The following SLC12A8 variants were observed in gnomAD, a reference collection of about 807,000 sequenced individuals.
SLC12A8 encodes the protein cation-chloride cotransporter 9.
SLC12A8 carries 69 observed loss-of-function variants against 75.6 expected under a neutral mutation model. The ratio of observed to expected loss-of-function variants is 0.91; its 90% confidence interval spans 0.75 to 1.11. The LOEUF (loss-of-function observed/expected upper bound fraction) is 1.11, where lower values mean the gene tolerates loss of function less well. SLC12A8 is among the 50% of genes most tolerant of loss of function. The pLI is 0.00. For synonymous variants in SLC12A8, 365 were observed against 372.8 expected, an observed-to-expected ratio of 0.98 and a Z score of 0.24; for missense variants, 877 against 896.7, an observed-to-expected ratio of 0.98 and a Z score of 0.28.
At chr3:125,090,197 A>G (rs1417248190) in intron 12 of SLC12A8, among the ~76,000 whole-genome samples, 2 of 152,076 alleles carry the variant, frequency 1.3e-5, no homozygotes, top group African/African-American at 2.4e-5. Context: ...GTGTGTGCGA[A>G]CTGTGCCTGG....
chr3:125,126,540 C>CTT (rs886275160), intron 6 of SLC12A8, among the ~76,000 whole-genome samples: 5 of 152,232 alleles, frequency 3.3e-5, no homozygotes, highest in Non-Finnish European at 7.3e-5. Context: ...ACACATTGAT[C>CTT]AAAGTCCTTA....
rs1939062000 is a variant in SLC12A8, at chr3:125,107,613, C to CG, written c.1572dup (p.Ala525ArgfsTer24). On this transcript the variant is annotated frameshift_variant, in exon 10 of 14. Coordinates refer to ENST00000469902, the MANE Select transcript of SLC12A8 (RefSeq NM_024628.6). LOFTEE classifies it high-confidence loss of function. ...GACTCCTGCCCCTCCCAGGAGGCAG[C>CG]GGGCAACCTGTCAGAGATCTCGACA... 1 of 1,614,068 alleles carries CG rather than the reference C, an allele frequency of 6.2e-7. No homozygotes were observed. The highest frequency in any genetic ancestry group is 8.5e-7 in the Non-Finnish European group (1 of 1,180,042).
Position 125,110,145 on chromosome 3 carries a change from A to G in SLC12A8, c.1059+44T>C, listed in dbSNP as rs759855025. On this transcript the variant is annotated intron_variant, in intron 9 of 13. Coordinates refer to ENST00000469902, the MANE Select transcript of SLC12A8 (RefSeq NM_024628.6). ...ATGGGCCAACAGTGAGGTTAGCAGC[A>G]AAACATGTTTCAAAAAACAAACCAA... The G allele has an allele frequency of 2.5e-6, 4 of 1,591,094 alleles. No individual in the cohort carries two copies. In the African/African-American group the frequency reaches 5.4e-5, roughly 21 times the overall value.
intron 8 of SLC12A8, among the ~76,000 whole-genome samples, chr3:125,111,906 A>G (rs1399141897): frequency 6.6e-6 from 1 of 152,238 alleles, no homozygotes; most frequent in Non-Finnish European, 1.5e-5. Context: ...CTGGAGGCAC[A>G]CCCAGCCTCT....
At chr3:125,149,949 G>A (rs1437282094) in intron 5 of SLC12A8, among the ~76,000 whole-genome samples, 1 of 152,186 alleles carries the variant, frequency 6.6e-6, no homozygotes, top group Non-Finnish European at 1.5e-5. Flanking sequence ...ATTCTTCACT[G>A]TTCTAACCCT....
At position 125,152,089 on chromosome 3, in the gene SLC12A8, C is replaced by T. The variant is rs369633080; in HGVS notation, c.623-16307G>A. Reference sequence around the variant, plus strand: ...TAATGTCTGAGCAGATTTGTTCATACACTAGGAATTTGGGATTGCAGAGTA... The same window carrying T: ...TAATGTCTGAGCAGATTTGTTCATATACTAGGAATTTGGGATTGCAGAGTA... On this transcript the variant is annotated intron_variant, in intron 5 of 13. Coordinates refer to ENST00000469902, the MANE Select transcript of SLC12A8 (RefSeq NM_024628.6). 5.9e-5 allele frequency among the ~76,000 whole-genome samples: 9 copies of T among 152,328 alleles called. No individual in the cohort carries two copies. The South Asian group carries it at 1.2e-3, about 21-fold the overall frequency.
chr3:125,160,759 CT>C (rs2107777403), intron 5 of SLC12A8, among the ~76,000 whole-genome samples: 1 of 152,334 alleles, frequency 6.6e-6, no homozygotes, highest in South Asian at 2.1e-4. Flanking sequence ...TAAGGGGCCT[CT>C]TTGCAAGAGA....
At chr3:125,198,134 C>A (rs1935039567) in intron 2 of SLC12A8, among the ~76,000 whole-genome samples, 1 of 152,076 alleles carries the variant, frequency 6.6e-6, no homozygotes, top group Non-Finnish European at 1.5e-5. Flanking sequence ...AAACCTAAAT[C>A]TACCTGTGAC....
chr3:125,157,809 C>T (rs999982727), intron 5 of SLC12A8, among the ~76,000 whole-genome samples: 2 of 152,218 alleles, frequency 1.3e-5, no homozygotes, highest in African/African-American at 4.8e-5. Context: ...CCACCTGCAA[C>T]TTGCATATTT....
chr3:125,095,446 C>T (rs1262568406), intron 10 of SLC12A8, among the ~76,000 whole-genome samples: 1 of 152,198 alleles, frequency 6.6e-6, no homozygotes, highest in African/African-American at 2.4e-5. Flanking sequence ...CTCCATTGCT[C>T]CCATCCTAGT....
intron 5 of SLC12A8, among the ~76,000 whole-genome samples, chr3:125,166,137 C>T (rs1934282318): frequency 1.3e-5 from 2 of 152,162 alleles, no homozygotes; most frequent in African/African-American, 4.8e-5. Flanking sequence ...TTTACCCCAG[C>T]CCTGACCACA....
chr3:125,192,604 C>T (rs946787084), intron 2 of SLC12A8: 1 of 154,336 alleles, frequency 6.5e-6, no homozygotes, highest in South Asian at 2.0e-4. Flanking sequence ...GTGTGAAATG[C>T]CTTTCATTTC....
At chr3:125,196,524 T>C (rs893377728) in intron 2 of SLC12A8, among the ~76,000 whole-genome samples, 3 of 152,182 alleles carry the variant, frequency 2.0e-5, no homozygotes, top group Admixed American at 6.5e-5. Flanking sequence ...ACCCCCATAC[T>C]GAGGAATTGG....
chr3:125,101,019 CAAA>C (rs59602383), intron 10 of SLC12A8, among the ~76,000 whole-genome samples: 2 of 86,738 alleles, frequency 2.3e-5, no homozygotes, highest in Non-Finnish European at 4.2e-5. Context: ...GACTCCGTCT[CAAA>C]AAAAAAAAAA....
At chr3:125,141,576 A>C (rs1484805299) in intron 5 of SLC12A8, among the ~76,000 whole-genome samples, 2 of 152,174 alleles carry the variant, frequency 1.3e-5, no homozygotes, top group African/African-American at 4.8e-5. Context: ...TGAAATTAGA[A>C]GAGGGAGTCG....
chr3:125,167,662 G>A (rs1934318851), intron 5 of SLC12A8, among the ~76,000 whole-genome samples: 1 of 152,158 alleles, frequency 6.6e-6, no homozygotes, highest in East Asian at 1.9e-4. Context: ...CATCTAACAT[G>A]GCTCAAGACC....
chr3:125,121,559 G>A (rs542419335), intron 6 of SLC12A8, among the ~76,000 whole-genome samples: 1 of 152,284 alleles, frequency 6.6e-6, no homozygotes, highest in Non-Finnish European at 1.5e-5. Context: ...CAAACTGCCT[G>A]GGCCTGTGTC....
intron 5 of SLC12A8, among the ~76,000 whole-genome samples, chr3:125,170,954 GC>G (rs2107783986): frequency 6.6e-6 from 1 of 152,184 alleles, no homozygotes; most frequent in African/African-American, 2.4e-5. Context: ...AGACTGAGAA[GC>G]TATGTGCCGA....
At chr3:125,142,800 T>G (rs1398946692) in intron 5 of SLC12A8, among the ~76,000 whole-genome samples, 2 of 152,188 alleles carry the variant, frequency 1.3e-5, no homozygotes, top group African/African-American at 2.4e-5. Context: ...AATTCTGAAG[T>G]CTTCCCAGCC....
Sources: gnomAD v4.1 joint callset for allele counts (sites outside exome capture counted in the v4.1 genomes callset) on GRCh38, gnomAD v4.1.1 for gene constraint, MANE v1.5 for transcripts, NCBI Gene and HGNC (gene_info 2026-07-23, HGNC 2026-07-21) for gene names.